RRAS: variants seen among roughly 807,000 people sequenced by gnomAD.
RRAS encodes ras-related protein R-Ras.
RRAS carries 18 observed loss-of-function variants against 23.3 expected under a neutral mutation model. The observed-to-expected ratio is 0.77, with a 90% CI of 0.53 to 1.15. The LOEUF is 1.15. Among genes scored for constraint, RRAS ranks in the 50% most tolerant of loss-of-function variants. The probability of loss-of-function intolerance (pLI) is 0.00; values close to 1 mark genes in which losing one functional copy is unlikely to be tolerated. For synonymous variants in RRAS, 133 were observed against 138.3 expected (o/e 0.96, Z 0.27); for missense variants, 291 against 317.1 (o/e 0.92, Z 0.62).
Position 49,635,735 on chromosome 19 carries a change from G to A in RRAS, c.571C>T (p.Arg191Trp), listed in dbSNP as rs199540462. ...CGACAGGAAGGGGACTTGGCTCACC[G>A]GACAGCCCGCACCAGCTGCTCAAAA... ...EAFEQLVRAV[R>W]KYQEQELPPS... Residue 191 changes from arginine to tryptophan, a missense_variant and splice_region_variant, in exon 5 of 6, where the codon CGG (arginine) becomes TGG (tryptophan). Transcript: ENST00000246792. 18 of 1,569,716 alleles carry A rather than the reference G, an allele frequency of 1.1e-5. No individual in the cohort carries two copies. The highest frequency in any genetic ancestry group is 6.8e-5 in the South Asian group (6 of 88,112).
chr19:49,635,860 TAGGGGGGAC>T lies in RRAS; in HGVS notation c.454-17_454-9del. The T allele has an allele frequency of 2.5e-6, 3 of 1,209,520 alleles. No individual in the cohort carries two copies. The highest frequency in any genetic ancestry group is 2.3e-6 in the Non-Finnish European group (2 of 887,918). 74.9% of individuals were successfully genotyped at this position (1,209,520 alleles called of 1,614,324 possible). On this transcript the variant is annotated splice_polypyrimidine_tract_variant and intron_variant, in intron 4 of 5. Transcript: ENST00000246792. The stretch of plus-strand genomic sequence containing the variant: ...GGCTTCTGATCGGGGGACCTGGGGG[TAGGGGGGAC>T]ACGGGGGAGTCAGGTCCCTGCACTC...
chr19:49,639,972 T>C lies in RRAS; in HGVS notation c.127A>G (p.Ser43Gly). The C allele has an allele frequency of 6.3e-7, 1 of 1,590,670 alleles. No individual in the cohort carries two copies. The highest frequency in any genetic ancestry group is 8.5e-7 in the Non-Finnish European group (1 of 1,174,452). ...TGGATGAACTGGATGGTCAGCGCGC[T>C]CTTGCCCACGCCGCCGCCGCCCACG... ...VVVGGGGVGK[S>G]ALTIQFIQSY... is the part of the protein sequence containing the mutation. Residue 43 changes from serine (S) to glycine (G), a missense_variant, in exon 1 of 6, where the codon AGC (serine) becomes GGC (glycine). Coordinates refer to ENST00000246792, the MANE Select transcript of RRAS (RefSeq NM_006270.5).
chr19:49,639,831 G>A, intron 1 of RRAS, 115 bp downstream of exon 1: 1 of 799,932 alleles, frequency 1.3e-6, no homozygotes, highest in Non-Finnish European at 1.9e-6. Flanking sequence ...TAAGATTAGA[G>A]GGCCTTATAG....
rs2080995607 is a variant in RRAS, at chr19:49,636,229, G to C, written c.454-377C>G. Among the ~76,000 whole-genome samples the C allele has an allele frequency of 6.6e-6, 1 of 152,098 alleles. No homozygotes were observed. On this transcript the variant is annotated intron_variant, in intron 4 of 5. Transcript: ENST00000246792. The surrounding 1 kb of genome is among the most constrained non-coding windows in gnomAD (Gnocchi z 4.5). ...AAGTGATGGGAGCAGGGAAAGGAGG[G>C]GCGCAACTGTGCGGGGCATCTGGCA... is the stretch of plus-strand genomic sequence containing the variant.
At position 49,636,818 on chromosome 19, in the gene RRAS, T is replaced by C. The variant is rs764651598; in HGVS notation, c.344+6A>G. On this transcript the variant is annotated splice_donor_region_variant and intron_variant, in intron 3 of 5. Transcript: ENST00000246792. This position sits in a 1 kb window ranked among gnomAD's most constrained non-coding sequence, Gnocchi z 4.5. ...CCACTGCTCCGCCACCAGCAACCCCTGTCACCTCTGCCGGTCGTTAATGGC... is the reference window on the plus strand; with the variant it reads ...CCACTGCTCCGCCACCAGCAACCCCCGTCACCTCTGCCGGTCGTTAATGGC... The C allele has an allele frequency of 4.3e-6, 7 of 1,612,200 alleles. No homozygotes were observed. In the South Asian group the frequency reaches 5.5e-5, roughly 13 times the overall value.
At chr19:49,639,817 CT>C in intron 1 of RRAS, 128 bp downstream of exon 1, 1 of 726,294 alleles carries the variant, frequency 1.4e-6, no homozygotes, top group Non-Finnish European at 2.1e-6. Context: ...CTGTGGGGAT[CT>C]TTTAAGATTA....
At chr19:49,639,889 C>T (rs2081014266) in intron 1 of RRAS, 57 bp downstream of exon 1, 3 of 1,478,424 alleles carry the variant, frequency 2.0e-6, no homozygotes, top group Non-Finnish European at 2.7e-6. Flanking sequence ...TCGGGGATCC[C>T]CCCAAGGGCT....
At chr19:49,638,391 C>T (rs1368647831) in intron 1 of RRAS, among the ~76,000 whole-genome samples, 2 of 152,108 alleles carry the variant, frequency 1.3e-5, no homozygotes, top group Non-Finnish European at 2.9e-5. Context: ...GGGGCCTCTG[C>T]GGTAGCATGT....
In RRAS at chr19:49,637,052, G is replaced by A. The variant is rs755565332; in HGVS notation, c.232C>T (p.Arg78Trp). 1.1e-5 allele frequency: 18 copies of A among 1,613,358 alleles called. No individual in the cohort carries two copies. In the East Asian group the frequency reaches 1.3e-4, roughly 12 times the overall value. Residue 78 changes from arginine (R) to tryptophan (W), a missense_variant, in exon 2 of 6, where the codon CGG (arginine) becomes TGG (tryptophan). Transcript: ENST00000246792. ...KICSVDGIPARLDILDTAGQE... is the reference protein window; with the variant it reads ...KICSVDGIPAWLDILDTAGQE... The stretch of plus-strand genomic sequence containing the variant: ...TCCTTGCCGCCCTCACTGTCCAGCC[G>A]GGCTGGGATGCCATCCACACTGCAG...
chr19:49,639,069 A>C (rs1023355682), intron 1 of RRAS, among the ~76,000 whole-genome samples: 1 of 151,996 alleles, frequency 6.6e-6, no homozygotes, highest in Non-Finnish European at 1.5e-5. Flanking sequence ...GTAGTCCCAG[A>C]AGAGTCTCAG....
chr19:49,639,926 C>A lies in RRAS; in HGVS notation c.153+20G>T. On this transcript the variant is annotated intron_variant, in intron 1 of 5. Coordinates refer to ENST00000246792, the MANE Select transcript of RRAS (RefSeq NM_006270.5). ...AGTTCTGGGTCCCGGGGGACACCCT[C>A]CCGGGTGAGGGCCCACTACCTGGAT... 6.4e-7 allele frequency: 1 copy of A among 1,571,602 alleles called. No individual in the cohort carries two copies. Among genetic ancestry groups the A allele is most frequent in the Admixed American group, 1.8e-5 (1 of 56,408 alleles).
chr19:49,635,799 A>C lies in RRAS; in HGVS notation c.507T>G (p.Phe169Leu), dbSNP rs762283528. Residue 169 changes from phenylalanine (F) to leucine (L), a missense_variant, in exon 5 of 6, where the codon TTT (phenylalanine) becomes TTG (leucine). Transcript: ENST00000246792. ...AFGASHHVAY[F>L]EASAKLRLNV... ...TGAGACGCAGTTTGGCCGAGGCCTC[A>C]AAGTAGGCCACGTGGTGGGAGGCGC... 6.2e-7 allele frequency: 1 copy of C among 1,600,900 alleles called. No homozygotes were observed. Among genetic ancestry groups the C allele is most frequent in the Non-Finnish European group, 8.5e-7 (1 of 1,170,228 alleles).
Position 49,636,594 on chromosome 19 carries a change from C to A in RRAS, c.453+25G>T. 6.5e-7 allele frequency: 1 copy of A among 1,548,410 alleles called. No homozygotes were observed. Among genetic ancestry groups the A allele is most frequent in the South Asian group, 1.1e-5 (1 of 89,790 alleles). ...GGAGCCTCCCAGACTGAGATGGGGT[C>A]CCCAGAAAGAGGGGTGTCCCGAACC... On this transcript the variant is annotated intron_variant, in intron 4 of 5. Coordinates refer to ENST00000246792, the MANE Select transcript of RRAS (RefSeq NM_006270.5). The surrounding 1 kb of genome is among the most constrained non-coding windows in gnomAD (Gnocchi z 4.5).
chr19:49,637,263 C>G, intron 1 of RRAS, 133 bp from the exon 2 acceptor site: 1 of 638,220 alleles, frequency 1.6e-6, no homozygotes, highest in South Asian at 1.7e-5. Context: ...TCTCTGCCCC[C>G]TTTTCTCTGG....
intron 1 of RRAS, among the ~76,000 whole-genome samples, chr19:49,637,925 A>T (rs2081004531): frequency 6.6e-6 from 1 of 152,116 alleles, no homozygotes; most frequent in Non-Finnish European, 1.5e-5. Context: ...TCCTCATTTG[A>T]AAAAGGAGGC....
rs1397701034 is a variant in RRAS, at chr19:49,639,856, T to G, written c.153+90A>C. 7 of 1,130,228 alleles carry G rather than the reference T, an allele frequency of 6.2e-6. No individual in the cohort carries two copies. In the South Asian group the frequency reaches 7.2e-5, roughly 12 times the overall value. 70.0% of individuals were successfully genotyped at this position (1,130,228 alleles called of 1,614,324 possible). A position where few individuals can be genotyped will look rare whatever the true frequency, so the allele number is the denominator to read the frequency against. ...GGGCCTTATAGGAGGGTCTCAGTGA[T>G]GGGTCAAGGGGGAAAAGGGGTCTCG... On this transcript the variant is annotated intron_variant, in intron 1 of 5. Coordinates refer to ENST00000246792, the MANE Select transcript of RRAS (RefSeq NM_006270.5).
rs558905618 is a variant in RRAS, at chr19:49,637,551, C to T, written c.154-421G>A. Among the ~76,000 whole-genome samples, 188 of 151,906 alleles carry T rather than the reference C, an allele frequency of 1.2e-3. 2 individuals carry two copies. The highest frequency in any genetic ancestry group is 4.3e-3 in the African/African-American group (177 of 41,420). On this transcript the variant is annotated intron_variant, in intron 1 of 5. Transcript: ENST00000246792. ...CTCGAACTCCTGACCTCAGGTGATC[C>T]GCCCGCCTGGGTCTCCCAAAGTGCT...
intron 1 of RRAS, among the ~76,000 whole-genome samples, chr19:49,638,461 G>A (rs1316859342): frequency 1.3e-5 from 2 of 152,170 alleles, no homozygotes; most frequent in African/African-American, 4.8e-5. Context: ...TCAGGAATGG[G>A]GAGGAGGTTT....
rs1279416029 is a variant in RRAS at position 49,636,222 on chromosome 19, A to G, written c.454-370T>C. Among the ~76,000 whole-genome samples the G allele has an allele frequency of 6.6e-6, 1 of 151,966 alleles. No individual in the cohort carries two copies. The highest frequency in any genetic ancestry group is 1.9e-4 in the East Asian group (1 of 5,172). ...GTGGGGGAAGTGATGGGAGCAGGGA[A>G]AGGAGGGGCGCAACTGTGCGGGGCA... On this transcript the variant is annotated intron_variant, in intron 4 of 5. Coordinates refer to ENST00000246792, the MANE Select transcript of RRAS (RefSeq NM_006270.5). The surrounding 1 kb of genome is among the most constrained non-coding windows in gnomAD (Gnocchi z 4.5).
Sources: gnomAD v4.1 joint callset for allele counts (sites outside exome capture counted in the v4.1 genomes callset) on GRCh38, gnomAD v4.1.1 for gene constraint, Gnocchi (gnomAD v3.1) non-coding constraint, MANE v1.5 for transcripts, NCBI Gene and HGNC (gene_info 2026-07-23, HGNC 2026-07-21) for gene names.